ACER3: variants seen among roughly 807,000 people sequenced by gnomAD.
ACER3 encodes alkaline ceramidase 3.
ACER3 carries 16 observed loss-of-function variants against 48.9 expected under a neutral mutation model. That is an observed-to-expected ratio of 0.33 (90% CI 0.22 to 0.50). The LOEUF (loss-of-function observed/expected upper bound fraction) is 0.50. Among genes scored for constraint, ACER3 ranks in the 20% least tolerant of loss-of-function variants. The pLI, the probability that ACER3 is intolerant of heterozygous loss-of-function variation, is 0.98. For synonymous variants in ACER3, 109 were observed against 107.8 expected (o/e 1.01, Z -0.07); for missense variants, 227 against 326.0 (o/e 0.70, Z 2.34).
At chr11:77,000,083 T>C (rs1948996278) in intron 7 of ACER3, among the ~76,000 whole-genome samples, 1 of 152,236 alleles carries the variant, frequency 6.6e-6, no homozygotes, top group Non-Finnish European at 1.5e-5. Context: ...CAGCAATATA[T>C]GTGTGATCCA....
chr11:76,918,476 C>T (rs1239773554), intron 1 of ACER3, among the ~76,000 whole-genome samples: 1 of 152,020 alleles, frequency 6.6e-6, no homozygotes, highest in Non-Finnish European at 1.5e-5. Context: ...AGTACCAACA[C>T]AATTCCCAGG....
chr11:76,970,162 T>A (rs1440791107), intron 3 of ACER3, among the ~76,000 whole-genome samples: 3 of 152,060 alleles, frequency 2.0e-5, no homozygotes, highest in Admixed American at 6.6e-5. Context: ...AGGGTGAGGA[T>A]TATAACGAGG....
intron 4 of ACER3, 33 bp from the exon 5 acceptor site, chr11:76,985,608 TTC>T (rs201991223): frequency 0.012 from 16,763 of 1,351,288 alleles, 134 homozygotes; most frequent in Non-Finnish European, 0.015. Context: ...TACTTATATA[TTC>T]TTTTAAAAGT....
intron 4 of ACER3, among the ~76,000 whole-genome samples, chr11:76,979,217 A>G (rs1004023239): frequency 1.3e-5 from 2 of 152,268 alleles, no homozygotes; most frequent in African/African-American, 2.4e-5. Context: ...AAAGCAGTTC[A>G]TATCTGACTT....
intron 2 of ACER3, among the ~76,000 whole-genome samples, chr11:76,952,299 GC>G (rs1947693983): frequency 6.9e-6 from 1 of 144,446 alleles, no homozygotes; most frequent in Admixed American, 7.1e-5. Flanking sequence ...TCTCCCTGTC[GC>G]CTAAGCTGGA....
intron 2 of ACER3, among the ~76,000 whole-genome samples, chr11:76,940,625 C>G (rs1947312242): frequency 1.3e-5 from 2 of 152,152 alleles, no homozygotes; most frequent in Admixed American, 1.3e-4. Flanking sequence ...ATTTTTCTGA[C>G]TTAACAATCC....
intron 3 of ACER3, among the ~76,000 whole-genome samples, chr11:76,964,321 C>T (rs1948079656): frequency 1.3e-5 from 2 of 151,556 alleles, no homozygotes; most frequent in African/African-American, 2.4e-5. Flanking sequence ...CCGGGAAGCT[C>T]GAACTGGATG....
chr11:76,939,059 A>C (rs1450635130), intron 2 of ACER3, among the ~76,000 whole-genome samples: 1 of 152,226 alleles, frequency 6.6e-6, no homozygotes, highest in Non-Finnish European at 1.5e-5. Context: ...GAAAAATAAC[A>C]GTAATAGATT....
intron 2 of ACER3, among the ~76,000 whole-genome samples, chr11:76,940,242 C>T (rs1024681165): frequency 6.6e-6 from 1 of 151,966 alleles, no homozygotes; most frequent in Non-Finnish European, 1.5e-5. Flanking sequence ...CCTCAGCCTC[C>T]CAAAGTGCTA....
At chr11:76,974,923 C>G (rs984940193) in intron 3 of ACER3, among the ~76,000 whole-genome samples, 1 of 152,194 alleles carries the variant, frequency 6.6e-6, no homozygotes, top group Non-Finnish European at 1.5e-5. Context: ...TGGGATTGTG[C>G]CATTGCACTC....
chr11:76,908,313 T>C (rs573267763), intron 1 of ACER3, among the ~76,000 whole-genome samples: 7 of 152,336 alleles, frequency 4.6e-5, no homozygotes, highest in Non-Finnish European at 1.0e-4. Context: ...AAACATATGA[T>C]TGTATTATAA....
intron 3 of ACER3, among the ~76,000 whole-genome samples, chr11:76,971,015 C>G (rs1428390620): frequency 6.6e-6 from 1 of 152,190 alleles, no homozygotes; most frequent in African/African-American, 2.4e-5. Context: ...CATGTTTTCA[C>G]ACAGTTCACC....
intron 2 of ACER3, among the ~76,000 whole-genome samples, chr11:76,929,557 C>T (rs1043827862): frequency 6.6e-6 from 1 of 152,184 alleles, no homozygotes; most frequent in South Asian, 2.1e-4. Flanking sequence ...AAAGAGAATG[C>T]TTCCAGTTTT....
At chr11:76,899,153 T>C (rs1946016093) in intron 1 of ACER3, among the ~76,000 whole-genome samples, 1 of 152,162 alleles carries the variant, frequency 6.6e-6, no homozygotes, top group Non-Finnish European at 1.5e-5. Flanking sequence ...TTTTGTGGCC[T>C]TTTTGCTAAT....
At chr11:76,897,243 C>A (rs866101711) in intron 1 of ACER3, among the ~76,000 whole-genome samples, 1 of 152,298 alleles carries the variant, frequency 6.6e-6, no homozygotes, top group African/African-American at 2.4e-5. Flanking sequence ...AGGCATGAGC[C>A]ACCACACCTG....
At chr11:77,004,348 A>G (rs2135281189) in intron 7 of ACER3, among the ~76,000 whole-genome samples, 1 of 152,350 alleles carries the variant, frequency 6.6e-6, no homozygotes, top group Non-Finnish European at 1.5e-5. Flanking sequence ...CTCAGAAGTT[A>G]TCTCCCAGGA....
chr11:76,911,914 A>G (rs1003893191), intron 1 of ACER3, among the ~76,000 whole-genome samples: 1 of 152,206 alleles, frequency 6.6e-6, no homozygotes, highest in African/African-American at 2.4e-5. Flanking sequence ...AGAGGCTAAA[A>G]GGAAAATTCT....
In ACER3 at chr11:76,962,876, A is replaced by G. The variant is rs539349852; in HGVS notation, c.267+3845A>G. 1.7e-4 allele frequency among the ~76,000 whole-genome samples: 25 copies of G among 151,458 alleles called. No homozygotes were observed. The South Asian group carries it at 5.2e-3, about 31-fold the overall frequency. ...TTTATCAGAACTGTGGTGCCACCCAATAGGTGTTCCTGGAACTGTCATAGT... is the reference window on the plus strand; with the variant it reads ...TTTATCAGAACTGTGGTGCCACCCAGTAGGTGTTCCTGGAACTGTCATAGT... On this transcript the variant is annotated intron_variant, in intron 3 of 10. Coordinates refer to ENST00000532485, the MANE Select transcript of ACER3 (RefSeq NM_018367.7).
chr11:76,991,829 A>AAAG (rs1948809991), intron 6 of ACER3, among the ~76,000 whole-genome samples: 1 of 151,256 alleles, frequency 6.6e-6, no homozygotes, highest in Non-Finnish European at 1.5e-5. Context: ...AAAAAAAAAA[A>AAAG]AAAGAAAGAA....
Sources: gnomAD v4.1 joint callset for allele counts (sites outside exome capture counted in the v4.1 genomes callset) on GRCh38, gnomAD v4.1.1 for gene constraint, MANE v1.5 for transcripts, NCBI Gene and HGNC (gene_info 2026-07-23, HGNC 2026-07-21) for gene names.